MAGI2: variants seen among roughly 807,000 people sequenced by gnomAD.
The protein encoded by MAGI2 is membrane associated guanylate kinase, WW and PDZ domain containing 2.
A neutral mutation model predicts 133.3 loss-of-function variants in MAGI2; 35 were observed. The observed-to-expected ratio is 0.26, with a 90% confidence interval of 0.20 to 0.35. The LOEUF is 0.35. Among genes scored for constraint, MAGI2 ranks in the 10% least tolerant of loss-of-function variants. The probability of loss-of-function intolerance (pLI) is 1.00; values close to 1 mark genes in which losing one functional copy is unlikely to be tolerated. For missense variants in MAGI2, 1,636 were observed against 1,863.4 expected, an observed-to-expected ratio of 0.88 and a Z score of 2.25; for synonymous variants, 729 against 710.6, an observed-to-expected ratio of 1.03 and a Z score of -0.41.
intron 20 of MAGI2, among the ~76,000 whole-genome samples, chr7:78,096,949 T>C (rs1369727545): frequency 6.6e-6 from 1 of 152,078 alleles, no homozygotes; most frequent in East Asian, 1.9e-4. Flanking sequence ...CCAGCATCTA[T>C]AAGGAACTTA....
chr7:78,338,405 C>T (rs771546027), intron 9 of MAGI2, among the ~76,000 whole-genome samples: 4 of 152,212 alleles, frequency 2.6e-5, no homozygotes, highest in Non-Finnish European at 5.9e-5. Context: ...GAGGCCTTCC[C>T]TAAGCACCTC....
intron 1 of MAGI2, among the ~76,000 whole-genome samples, chr7:79,088,470 G>A (rs1049271914): frequency 2.0e-5 from 3 of 152,062 alleles, no homozygotes; most frequent in Non-Finnish European, 4.4e-5. Context: ...GAGACAATTT[G>A]ACTTCCTCTT....
At chr7:79,069,275 G>A (rs779993367) in intron 1 of MAGI2, among the ~76,000 whole-genome samples, 2 of 152,072 alleles carry the variant, frequency 1.3e-5, no homozygotes, top group Non-Finnish European at 2.9e-5. Context: ...TTATGAATCT[G>A]GGTGCTCCTG....
intron 2 of MAGI2, among the ~76,000 whole-genome samples, chr7:78,831,300 A>G (rs563421418): frequency 6.6e-6 from 1 of 152,290 alleles, no homozygotes; most frequent in East Asian, 1.9e-4. Flanking sequence ...CTGAATATGA[A>G]ATGCCTTACA....
At chr7:78,421,698 G>T (rs1798811849) in intron 6 of MAGI2, among the ~76,000 whole-genome samples, 1 of 152,078 alleles carries the variant, frequency 6.6e-6, no homozygotes, top group Admixed American at 6.5e-5. Context: ...CAGATACTCA[G>T]GAGGCTGAGG....
chr7:79,416,557 A>G (rs1046449455), intron 1 of MAGI2, among the ~76,000 whole-genome samples: 1 of 151,992 alleles, frequency 6.6e-6, no homozygotes, highest in African/African-American at 2.4e-5. Flanking sequence ...ACCGAAATAT[A>G]TATGGGGAAA....
intron 1 of MAGI2, among the ~76,000 whole-genome samples, chr7:79,163,458 G>T (rs774277948): frequency 6.6e-6 from 1 of 152,068 alleles, no homozygotes; most frequent in Non-Finnish European, 1.5e-5. Context: ...ACAGGTTTCA[G>T]CCACCAAACC....
chr7:79,419,879 C>A (rs1371744991), intron 1 of MAGI2, among the ~76,000 whole-genome samples: 1 of 149,788 alleles, frequency 6.7e-6, no homozygotes, highest in Non-Finnish European at 1.5e-5. Context: ...TCCTAGTACT[C>A]TTTGGTAGCA....
chr7:78,457,178 A>G (rs1216064272), intron 6 of MAGI2, among the ~76,000 whole-genome samples: 1 of 152,198 alleles, frequency 6.6e-6, no homozygotes, highest in Admixed American at 6.5e-5. Context: ...GTGTCAGCAA[A>G]CTAGTTGGTT....
intron 1 of MAGI2, among the ~76,000 whole-genome samples, chr7:79,155,116 G>GC (rs1823640259): frequency 6.6e-6 from 1 of 152,148 alleles, no homozygotes; most frequent in Non-Finnish European, 1.5e-5. Context: ...TAGCAATAAT[G>GC]CCAGCTGGTT....
At chr7:79,272,510 T>C (rs1834947762) in intron 1 of MAGI2, among the ~76,000 whole-genome samples, 1 of 152,122 alleles carries the variant, frequency 6.6e-6, no homozygotes, top group Non-Finnish European at 1.5e-5. Context: ...TCTGCTTTAA[T>C]CTTTAATTAG....
chr7:78,924,103 A>G (rs1799491788), intron 2 of MAGI2, among the ~76,000 whole-genome samples: 1 of 152,150 alleles, frequency 6.6e-6, no homozygotes, highest in Non-Finnish European at 1.5e-5. Flanking sequence ...GGCTGAGACA[A>G]TGGGGTTTTC....
chr7:78,019,580 G>A lies in MAGI2; in HGVS notation c.4103C>T (p.Ala1368Val). The A allele has an allele frequency of 2.0e-6, 2 of 980,358 alleles. No homozygotes were observed. The highest frequency in any genetic ancestry group is 2.4e-6 in the Non-Finnish European group (2 of 828,166). 60.7% of individuals were successfully genotyped at this position (980,358 alleles called of 1,614,324 possible). A position where few individuals can be genotyped will look rare whatever the true frequency, so the allele number is the denominator to read the frequency against. The change falls in exon 22 of 22, where the codon GCG (alanine) becomes GTG (valine). Residue 1368 changes from alanine to valine, a missense_variant. Coordinates refer to ENST00000354212, the MANE Select transcript of MAGI2 (RefSeq NM_012301.4). The part of the protein sequence containing the change: ...ADAARAGGKE[A>V]PRAAAGSELC... The stretch of plus-strand genomic sequence containing the variant: ...CTCGGAGCCCGCCGCCGCACGGGGC[G>A]CCTCCTTCCCGCCCGCCCGCGCCGC...
At chr7:78,719,562 G>A (rs1820055877) in intron 2 of MAGI2, among the ~76,000 whole-genome samples, 1 of 152,156 alleles carries the variant, frequency 6.6e-6, no homozygotes, top group South Asian at 2.1e-4. Context: ...CGTGTATTGG[G>A]GTTTATGCAG....
At chr7:79,045,891 C>T (rs1812133336) in intron 1 of MAGI2, among the ~76,000 whole-genome samples, 1 of 152,080 alleles carries the variant, frequency 6.6e-6, no homozygotes, top group Non-Finnish European at 1.5e-5. Context: ...GACTTGATTA[C>T]GGTGTTTACA....
chr7:78,748,951 C>T (rs1823196671), intron 2 of MAGI2, among the ~76,000 whole-genome samples: 1 of 152,138 alleles, frequency 6.6e-6, no homozygotes, highest in Non-Finnish European at 1.5e-5. Context: ...ACATATTTGT[C>T]AAGCATTTAC....
chr7:78,080,554 C>T (rs940960757), intron 20 of MAGI2, among the ~76,000 whole-genome samples: 1 of 152,186 alleles, frequency 6.6e-6, no homozygotes, highest in Non-Finnish European at 1.5e-5. Context: ...ACAACAGAAA[C>T]CTCATGGCAC....
At chr7:78,848,400 T>C (rs1792819620) in intron 2 of MAGI2, among the ~76,000 whole-genome samples, 1 of 152,032 alleles carries the variant, frequency 6.6e-6, no homozygotes, top group South Asian at 2.1e-4. Flanking sequence ...AAATCAGCTT[T>C]ATGTCTTGAT....
chr7:79,259,048 G>C (rs1053383652), intron 1 of MAGI2, among the ~76,000 whole-genome samples: 1 of 152,132 alleles, frequency 6.6e-6, no homozygotes, highest in Non-Finnish European at 1.5e-5. Flanking sequence ...ATTTCTGTAC[G>C]TGGTTACAAC....
Sources: gnomAD v4.1 joint callset for allele counts (sites outside exome capture counted in the v4.1 genomes callset) on GRCh38, gnomAD v4.1.1 for gene constraint, MANE v1.5 for transcripts, NCBI Gene and HGNC (gene_info 2026-07-23, HGNC 2026-07-21) for gene names.